Variants in CDH8 observed in about 807,000 individuals in gnomAD.
CDH8 encodes cadherin 8.
CDH8 carries 17 observed loss-of-function variants against 68.1 expected under a neutral mutation model. That is an observed-to-expected ratio of 0.25 (90% confidence interval 0.17 to 0.37). The LOEUF (loss-of-function observed/expected upper bound fraction) is 0.37. CDH8 is among the 10% of genes least tolerant of loss of function. The pLI is 1.00. For synonymous variants in CDH8, 372 were observed against 365.1 expected (o/e 1.02, Z -0.21); for missense variants, 763 against 999.3 (o/e 0.76, Z 3.19).
rs1019605924 is a variant in CDH8, at chr16:61,864,108, T to G, written c.548-6870A>C. Among the ~76,000 whole-genome samples the G allele has an allele frequency of 2.0e-5, 3 of 152,196 alleles. 1 individual carries two copies. Among genetic ancestry groups the G allele is most frequent in the African/African-American group, 4.8e-5 (2 of 41,450 alleles). On this transcript the variant is annotated intron_variant, in intron 3 of 11. Transcript: ENST00000577390. Reference sequence around the variant, plus strand: ...AATTTCATAAGGCCTGCATTACTTGTTGATGTTTAAATTATTCCTCACTAG... The same window carrying G: ...AATTTCATAAGGCCTGCATTACTTGGTGATGTTTAAATTATTCCTCACTAG...
chr16:61,784,936 C>T (rs1173248615), intron 8 of CDH8, among the ~76,000 whole-genome samples: 2 of 151,978 alleles, frequency 1.3e-5, no homozygotes, highest in East Asian at 1.9e-4. Flanking sequence ...GCATTCAAAG[C>T]AGTGTGTAGA....
At chr16:61,796,498 A>G (rs16963962) in intron 7 of CDH8, among the ~76,000 whole-genome samples, 4,773 of 152,180 alleles carry the variant, frequency 0.031, 244 homozygotes, top group African/African-American at 0.11. Context: ...CTTGGGTCAC[A>G]TTAATATCAA....
chr16:61,676,133 TAC>T (rs1963904868), intron 10 of CDH8, among the ~76,000 whole-genome samples: 1 of 133,942 alleles, frequency 7.5e-6, no homozygotes, highest in African/African-American at 2.9e-5. Context: ...AGATACAAAC[TAC>T]ACACACACTC....
At chr16:61,815,959 A>G (rs1962063101) in intron 7 of CDH8, among the ~76,000 whole-genome samples, 1 of 151,510 alleles carries the variant, frequency 6.6e-6, no homozygotes, top group African/African-American at 2.4e-5. Context: ...GCCAATGTAA[A>G]TTTTTTTTTG....
At position 61,735,022 on chromosome 16, in the gene CDH8, G is replaced by A. The variant is rs991000851; in HGVS notation, c.1415-7807C>T. The stretch of plus-strand genomic sequence containing the variant: ...CAGCTTCTAGTATCTCCAATATTTC[G>A]TGGTTTGTGATGACATAAATCCAGT... On this transcript the variant is annotated intron_variant, in intron 8 of 11. Transcript: ENST00000577390. Among the ~76,000 whole-genome samples, 7 of 152,010 alleles carry A rather than the reference G, an allele frequency of 4.6e-5. No homozygotes were observed. The South Asian group carries it at 6.2e-4, about 14-fold the overall frequency.
intron 8 of CDH8, among the ~76,000 whole-genome samples, chr16:61,784,052 C>T (rs935310191): frequency 2.4e-4 from 36 of 151,940 alleles, no homozygotes; most frequent in Non-Finnish European, 5.9e-5. Flanking sequence ...CACCAGCTAA[C>T]ATCATAATGA....
At chr16:61,694,323 T>C (rs567579130) in intron 10 of CDH8, among the ~76,000 whole-genome samples, 14 of 152,330 alleles carry the variant, frequency 9.2e-5, no homozygotes, top group Non-Finnish European at 1.8e-4. Flanking sequence ...AGTTCTATTA[T>C]GAGCAATATT....
intron 2 of CDH8, among the ~76,000 whole-genome samples, chr16:61,996,715 C>G (rs899003349): frequency 6.6e-6 from 1 of 152,102 alleles, no homozygotes; most frequent in African/African-American, 2.4e-5. Context: ...TTTATTACAT[C>G]TCTGATTAGG....
chr16:61,960,294 C>T (rs1331158002), intron 2 of CDH8, among the ~76,000 whole-genome samples: 1 of 90,336 alleles, frequency 1.1e-5, no homozygotes, highest in Admixed American at 1.0e-4. Context: ...CACATATATA[C>T]GTGTGTGTGT....
intron 8 of CDH8, among the ~76,000 whole-genome samples, chr16:61,767,825 G>A (rs150918633): frequency 3.5e-4 from 53 of 152,000 alleles, no homozygotes; most frequent in African/African-American, 1.3e-3. Flanking sequence ...AAAATAATAT[G>A]TCTGCCAAAA....
intron 4 of CDH8, among the ~76,000 whole-genome samples, chr16:61,845,414 T>A (rs1184400995): frequency 1.4e-5 from 2 of 148,072 alleles, no homozygotes; most frequent in African/African-American, 5.0e-5. Context: ...GTTAATGGAA[T>A]GGAAGGAAAG....
At chr16:61,702,379 G>GAA (rs200454525) in intron 10 of CDH8, among the ~76,000 whole-genome samples, 89 of 126,440 alleles carry the variant, frequency 7.0e-4, no homozygotes, top group African/African-American at 2.1e-3. Context: ...CTCAAAAAAA[G>GAA]AAAAAAAAAA....
At position 61,959,470 on chromosome 16, in the gene CDH8, A is replaced by T. The variant is rs1422694078; in HGVS notation, c.253-57997T>A. On this transcript the variant is annotated intron_variant, in intron 2 of 11. Coordinates refer to ENST00000577390, the MANE Select transcript of CDH8 (RefSeq NM_001796.5). ...AGCATAGGGCCCCTTGGGGTAACAG[A>T]CACCTGTGGGACTCTACTGGTTACT... is the stretch of plus-strand genomic sequence containing the variant. Among the ~76,000 whole-genome samples the T allele has an allele frequency of 5.3e-5, 8 of 151,660 alleles. No individual in the cohort carries two copies. In the East Asian group the frequency reaches 1.6e-3, roughly 30 times the overall value.
chr16:61,979,306 A>C (rs193031673), intron 2 of CDH8, among the ~76,000 whole-genome samples: 3 of 152,306 alleles, frequency 2.0e-5, no homozygotes, highest in African/African-American at 7.2e-5. Flanking sequence ...AATATTACTA[A>C]GGCCCAGTTC....
intron 2 of CDH8, among the ~76,000 whole-genome samples, chr16:61,992,077 TGA>T (rs1555527811): frequency 2.2e-4 from 32 of 144,216 alleles, no homozygotes; most frequent in African/African-American, 7.3e-4. Context: ...TGTGTGTGTG[TGA>T]GAGAGAGAGA....
At chr16:61,826,628 A>T (rs1300845477) in intron 4 of CDH8, among the ~76,000 whole-genome samples, 1 of 151,050 alleles carries the variant, frequency 6.6e-6, no homozygotes, top group Non-Finnish European at 1.5e-5. Context: ...GCCACTTCTG[A>T]AGTTGTAATT....
chr16:61,661,565 C>A (rs1472146641), intron 10 of CDH8, among the ~76,000 whole-genome samples: 2 of 151,632 alleles, frequency 1.3e-5, no homozygotes, highest in Non-Finnish European at 3.0e-5. Context: ...TACAATGAAT[C>A]AAAATGTGTG....
chr16:61,757,428 A>G (rs1353615244), intron 8 of CDH8, among the ~76,000 whole-genome samples: 1 of 152,132 alleles, frequency 6.6e-6, no homozygotes, highest in Non-Finnish European at 1.5e-5. Context: ...TGATTTTTAA[A>G]GTCTTTGAGA....
chr16:61,971,945 A>G (rs1280400813), intron 2 of CDH8, among the ~76,000 whole-genome samples: 1 of 152,196 alleles, frequency 6.6e-6, no homozygotes, highest in African/African-American at 2.4e-5. Context: ...AGAAACTCGA[A>G]GATTGGAGTG....
Sources: allele counts gnomAD v4.1 joint callset (sites outside exome capture counted in the v4.1 genomes callset), GRCh38; gene constraint gnomAD v4.1.1; transcripts MANE v1.5; gene names NCBI Gene and HGNC (gene_info 2026-07-23, HGNC 2026-07-21).